The following FGF14 variants were observed in gnomAD, a reference collection of about 807,000 sequenced individuals.
The protein encoded by FGF14 is fibroblast growth factor 14, also known as fibroblast growth factor homologous factor 4.
In FGF14, 5 loss-of-function variants were observed where a neutral mutation model predicts 25.5. The ratio of observed to expected loss-of-function variants is 0.20; its 90% CI spans 0.10 to 0.41. The LOEUF (loss-of-function observed/expected upper bound fraction) is 0.41. Ranked by LOEUF, FGF14 falls within the 10% of genes least tolerant of loss-of-function variation. The pLI is 1.00. For synonymous variants in FGF14, 138 were observed against 118.3 expected (o/e 1.17, Z -1.08); for missense variants, 222 against 320.1 (o/e 0.69, Z 2.34).
At chr13:101,783,682 A>G (rs1232115443) in intron 3 of FGF14, among the ~76,000 whole-genome samples, 1 of 152,088 alleles carries the variant, frequency 6.6e-6, no homozygotes, top group African/African-American at 2.4e-5. Flanking sequence ...GTTTAATTAG[A>G]TCCTATTTGT....
At chr13:102,370,175 TAGAG>T (rs989105658) in intron 1 of FGF14, among the ~76,000 whole-genome samples, 4 of 151,692 alleles carry the variant, frequency 2.6e-5, no homozygotes, top group African/African-American at 9.7e-5. Context: ...AAATTTTTTG[TAGAG>T]ACAGGGTTTC....
At chr13:101,730,719 A>C (rs984473258) in intron 3 of FGF14, among the ~76,000 whole-genome samples, 1 of 152,144 alleles carries the variant, frequency 6.6e-6, no homozygotes, top group African/African-American at 2.4e-5. Flanking sequence ...AATTGATGAG[A>C]TCTCCAGGGA....
At chr13:102,357,441 G>A (rs1031186829) in intron 1 of FGF14, among the ~76,000 whole-genome samples, 10 of 152,012 alleles carry the variant, frequency 6.6e-5, no homozygotes, top group Non-Finnish European at 1.3e-4. Flanking sequence ...AACAGAATAA[G>A]AACTCCAGAA....
chr13:102,294,491 C>T (rs1370755257), intron 1 of FGF14, among the ~76,000 whole-genome samples: 1 of 151,614 alleles, frequency 6.6e-6, no homozygotes, highest in African/African-American at 2.4e-5. Context: ...TATTTAATAT[C>T]AGCAGGGAAT....
At chr13:101,912,162 G>A (rs968338987) in intron 1 of FGF14, among the ~76,000 whole-genome samples, 1 of 152,014 alleles carries the variant, frequency 6.6e-6, no homozygotes, top group African/African-American at 2.4e-5. Flanking sequence ...TATTTCTATA[G>A]GTGTACATGC....
At chr13:102,349,650 T>C (rs1005339218) in intron 1 of FGF14, among the ~76,000 whole-genome samples, 11 of 152,164 alleles carry the variant, frequency 7.2e-5, no homozygotes, top group South Asian at 4.1e-4. Context: ...TTTTTATCAA[T>C]AGAAACTTAA....
At chr13:101,980,214 C>T (rs901727082) in intron 1 of FGF14, among the ~76,000 whole-genome samples, 1 of 151,852 alleles carries the variant, frequency 6.6e-6, no homozygotes, top group African/African-American at 2.4e-5. Context: ...AATTGCAAAA[C>T]GATGAGGTAA....
At chr13:102,174,321 C>CT (rs35818329) in intron 1 of FGF14, among the ~76,000 whole-genome samples, 54,195 of 146,742 alleles carry the variant, frequency 0.37, 9,881 homozygotes, top group African/African-American at 0.42. Flanking sequence ...TTCTTTCTTT[C>CT]TTTTTTTTTT....
chr13:101,909,180 T>G lies in FGF14; in HGVS notation c.193+7273A>C, dbSNP rs942534417. 3.4e-4 allele frequency among the ~76,000 whole-genome samples: 52 copies of G among 152,198 alleles called. 1 individual carries two copies. Among genetic ancestry groups the G allele is most frequent in the Admixed American group, 2.4e-3 (37 of 15,276 alleles). On this transcript the variant is annotated intron_variant, in intron 1 of 4. Transcript: ENST00000376143. Reference sequence around the variant, plus strand: ...CAATACCATTCAGGACATAGGCATGTGCGAGGACTTCATGTCTAAAACACC... The same window carrying G: ...CAATACCATTCAGGACATAGGCATGGGCGAGGACTTCATGTCTAAAACACC...
intron 3 of FGF14, among the ~76,000 whole-genome samples, chr13:101,796,721 C>T (rs2040543905): frequency 1.3e-5 from 2 of 151,930 alleles, no homozygotes; most frequent in Non-Finnish European, 2.9e-5. Flanking sequence ...GGAGAGAGGC[C>T]TCAGAAGAAA....
chr13:102,154,453 G>C (rs1396206467), intron 1 of FGF14, among the ~76,000 whole-genome samples: 1 of 152,060 alleles, frequency 6.6e-6, no homozygotes, highest in African/African-American at 2.4e-5. Context: ...ATACTTTACA[G>C]ACAAGTAAAT....
intron 1 of FGF14, among the ~76,000 whole-genome samples, chr13:102,297,377 A>G (rs2054774116): frequency 6.6e-6 from 1 of 152,162 alleles, no homozygotes; most frequent in African/African-American, 2.4e-5. Context: ...CTGGAACAGG[A>G]AAAGGACATT....
At chr13:101,872,393 A>G (rs2045148255) in intron 2 of FGF14, among the ~76,000 whole-genome samples, 1 of 151,804 alleles carries the variant, frequency 6.6e-6, no homozygotes, top group Non-Finnish European at 1.5e-5. Context: ...CTAGGAAACT[A>G]TATGATTATT....
chr13:101,968,449 G>A (rs915544732), intron 1 of FGF14, among the ~76,000 whole-genome samples: 6 of 151,886 alleles, frequency 4.0e-5, no homozygotes, highest in African/African-American at 1.2e-4. Flanking sequence ...CGAGGCAGGC[G>A]GATCATGAGG....
chr13:102,274,985 T>C (rs1001479101), intron 1 of FGF14, among the ~76,000 whole-genome samples: 1 of 152,024 alleles, frequency 6.6e-6, no homozygotes, highest in African/African-American at 2.4e-5. Flanking sequence ...ATTCAACTCA[T>C]AAGTATCTAT....
rs889592642 is a variant in FGF14, at chr13:102,341,171, C to CA, written c.208+60299dup. On this transcript the variant is annotated intron_variant, in intron 1 of 4. Coordinates refer to the FGF14 transcript ENST00000376131. ...ACTTTTGTTTCTGACAATTTTATAA[C>CA]AAAAAAAAGAAGTAGGATGGGATTT... 2.1e-4 allele frequency among the ~76,000 whole-genome samples: 32 copies of CA among 150,626 alleles called. 1 individual carries two copies. Among genetic ancestry groups the CA allele is most frequent in the Middle Eastern group, 3.4e-3 (1 of 294 alleles).
chr13:101,811,389 T>C (rs1373348156), intron 3 of FGF14, among the ~76,000 whole-genome samples: 1 of 152,192 alleles, frequency 6.6e-6, no homozygotes, highest in Non-Finnish European at 1.5e-5. Flanking sequence ...GATTGGCTTA[T>C]TTCAATTAGT....
At chr13:101,835,380 A>G (rs976510656) in intron 3 of FGF14, among the ~76,000 whole-genome samples, 7 of 152,036 alleles carry the variant, frequency 4.6e-5, no homozygotes, top group African/African-American at 1.7e-4. Context: ...TGCCTACCTC[A>G]AGGACAAAAA....
chr13:101,735,664 C>A (rs1594074205), intron 3 of FGF14, among the ~76,000 whole-genome samples: 2 of 145,518 alleles, frequency 1.4e-5, no homozygotes, highest in Admixed American at 6.7e-5. Context: ...CCAATTATCC[C>A]CATAGGAAAA....
Sources: gnomAD v4.1 joint callset for allele counts (sites outside exome capture counted in the v4.1 genomes callset) on GRCh38, gnomAD v4.1.1 for gene constraint, MANE v1.5 for transcripts, NCBI Gene and HGNC (gene_info 2026-07-23, HGNC 2026-07-21) for gene names.